Variants in EPC1 observed in about 807,000 individuals in gnomAD.
The protein encoded by EPC1 is enhancer of polycomb homolog 1.
In EPC1, 12 loss-of-function variants were observed where a neutral mutation model predicts 98.4. That is an observed-to-expected ratio of 0.12 (90% confidence interval 0.08 to 0.20). The LOEUF is 0.20. Ranked by LOEUF, EPC1 falls within the 10% of genes least tolerant of loss-of-function variation. The pLI is 1.00. For synonymous variants in EPC1, 357 were observed against 363.9 expected (o/e 0.98, Z 0.21); for missense variants, 729 against 990.5 (o/e 0.74, Z 3.54).
At position 32,272,038 on chromosome 10, in the gene EPC1, G is replaced by A. The variant is rs1835872123; in HGVS notation, c.1993C>T (p.Leu665Phe). Residue 665 changes from leucine (L) to phenylalanine (F), a missense_variant, in exon 12 of 14, where the codon CTT becomes TTT. Leu to Phe is a conservative substitution (Grantham distance 22). Coordinates refer to ENST00000319778, the MANE Select transcript of EPC1 (RefSeq NM_001272004.3). ...VVLGIGVNGV[L>F]PASGVYKGLH... ...TCTTTATTCTTACCTGAGGCTGGAAGGACGCCATTCACCCCGATTCCAAGC... is the reference window on the plus strand; with the variant it reads ...TCTTTATTCTTACCTGAGGCTGGAAAGACGCCATTCACCCCGATTCCAAGC... 1 of 1,612,290 alleles carries A rather than the reference G, an allele frequency of 6.2e-7. No individual in the cohort carries two copies. The highest frequency in any genetic ancestry group is 2.2e-5 in the East Asian group (1 of 44,874).
chr10:32,345,396 T>C, intron 1 of EPC1: 1 of 985,412 alleles, frequency 1.0e-6, no homozygotes, highest in Non-Finnish European at 1.2e-6. Context: ...CAGTTTTATT[T>C]CCAAAAACAA....
intron 1 of EPC1, among the ~76,000 whole-genome samples, chr10:32,327,694 G>A (rs1314228385): frequency 6.8e-6 from 1 of 146,770 alleles, no homozygotes; most frequent in East Asian, 1.9e-4. Flanking sequence ...TAGGCTATAT[G>A]GTATAGCTTA....
intron 1 of EPC1, among the ~76,000 whole-genome samples, chr10:32,355,601 C>T (rs1839247265): frequency 7.9e-6 from 1 of 126,832 alleles, no homozygotes; most frequent in Admixed American, 8.9e-5. Flanking sequence ...CCTTTAGTGC[C>T]TTACCCTTTT....
intron 1 of EPC1, among the ~76,000 whole-genome samples, chr10:32,344,685 C>A (rs1016450860): frequency 6.6e-6 from 1 of 152,158 alleles, no homozygotes; most frequent in East Asian, 1.9e-4. Flanking sequence ...ACTGGGGAGG[C>A]TGAGGAAGGA....
chr10:32,338,195 G>A (rs564839860), intron 1 of EPC1, among the ~76,000 whole-genome samples: 1 of 152,198 alleles, frequency 6.6e-6, no homozygotes, highest in South Asian at 2.1e-4. Flanking sequence ...TTCCCTGTAA[G>A]AGGCCCACTC....
intron 6 of EPC1, among the ~76,000 whole-genome samples, chr10:32,288,981 T>C (rs1169208270): frequency 2.6e-5 from 4 of 151,774 alleles, no homozygotes; most frequent in Non-Finnish European, 4.4e-5. Context: ...CCCAGCTATT[T>C]GGGAGGCTGA....
chr10:32,275,159 G>A (rs1836015842), intron 10 of EPC1, among the ~76,000 whole-genome samples: 2 of 152,216 alleles, frequency 1.3e-5, no homozygotes, highest in South Asian at 4.1e-4. Flanking sequence ...GTATTCTTTT[G>A]TAGAACTTTG....
chr10:32,348,597 CG>C (rs1839008028), upstream of EPC1, among the ~76,000 whole-genome samples: 1 of 152,158 alleles, frequency 6.6e-6, no homozygotes, highest in African/African-American at 2.4e-5. Flanking sequence ...ACTTAAACTC[CG>C]ATATTGGCAG....
chr10:32,322,174 A>G (rs1836966029), intron 1 of EPC1, among the ~76,000 whole-genome samples: 1 of 151,220 alleles, frequency 6.6e-6, no homozygotes, highest in Non-Finnish European at 1.5e-5. Flanking sequence ...CATTAGCCTT[A>G]CATGTATCGC....
intron 2 of EPC1, among the ~76,000 whole-genome samples, chr10:32,301,830 C>T (rs1056131606): frequency 1.3e-5 from 2 of 151,730 alleles, no homozygotes; most frequent in African/African-American, 4.8e-5. Context: ...TAGAAGAGAA[C>T]ATAGGAAAGG....
At chr10:32,279,428 T>C (rs867234635) in intron 10 of EPC1, among the ~76,000 whole-genome samples, 3 of 151,970 alleles carry the variant, frequency 2.0e-5, no homozygotes, top group Middle Eastern at 6.8e-3. Context: ...ATTCACAAAA[T>C]CTTACAAAAT....
intron 1 of EPC1, among the ~76,000 whole-genome samples, chr10:32,365,688 G>C (rs1005571630): frequency 3.3e-5 from 5 of 150,546 alleles, no homozygotes; most frequent in African/African-American, 1.2e-4. Flanking sequence ...GGGCATAGTG[G>C]TGCACCTGTA....
chr10:32,269,907 C>T (rs1249653245), intron 13 of EPC1, among the ~76,000 whole-genome samples: 2 of 152,218 alleles, frequency 1.3e-5, no homozygotes, highest in African/African-American at 4.8e-5. Flanking sequence ...CCACTCCTGG[C>T]TGAGACAGTC....
At chr10:32,308,085 G>C (rs1394506935) in intron 1 of EPC1, among the ~76,000 whole-genome samples, 1 of 152,134 alleles carries the variant, frequency 6.6e-6, no homozygotes, top group African/African-American at 2.4e-5. Context: ...CTGTAGTTGA[G>C]AACAGAATAT....
chr10:32,370,960 A>G (rs1839729153), intron 1 of EPC1, among the ~76,000 whole-genome samples: 1 of 152,194 alleles, frequency 6.6e-6, no homozygotes, highest in African/African-American at 2.4e-5. Context: ...ATGCCTCTTC[A>G]GGATACTTCA....
intron 1 of EPC1, among the ~76,000 whole-genome samples, chr10:32,352,572 CTCTCTGGGCCCTAATT>C (rs1349394664): frequency 6.6e-6 from 1 of 152,098 alleles, no homozygotes; most frequent in Non-Finnish European, 1.5e-5. Flanking sequence ...ACTACTTAAA[CTCTCTGGGCCCTAATT>C]TCCTAATCTG....
At chr10:32,324,294 G>A (rs1341859555) in intron 1 of EPC1, among the ~76,000 whole-genome samples, 2 of 150,774 alleles carry the variant, frequency 1.3e-5, no homozygotes, top group Non-Finnish European at 3.0e-5. Flanking sequence ...TGTGGTTCAC[G>A]CCTGTAATCC....
upstream of EPC1, among the ~76,000 whole-genome samples, chr10:32,348,902 T>G (rs775608346): frequency 9.9e-5 from 15 of 152,170 alleles, no homozygotes; most frequent in Non-Finnish European, 1.5e-4. Context: ...GAAGACTTTT[T>G]GGAAGAGATG....
chr10:32,373,894 A>T (rs1382436191), intron 1 of EPC1, among the ~76,000 whole-genome samples: 1 of 152,216 alleles, frequency 6.6e-6, no homozygotes, highest in Non-Finnish European at 1.5e-5. Context: ...CTTATTTTTT[A>T]TGCCACTATC....
Sources: allele counts gnomAD v4.1 joint callset (sites outside exome capture counted in the v4.1 genomes callset), GRCh38; gene constraint gnomAD v4.1.1; transcripts MANE v1.5; gene names NCBI Gene and HGNC (gene_info 2026-07-23, HGNC 2026-07-21).